CERS2: variants seen among roughly 807,000 people sequenced by gnomAD.
CERS2 encodes the protein LAG1 homolog, ceramide synthase 2.
In CERS2, 20 loss-of-function variants were observed where a neutral mutation model predicts 56.6. The observed-to-expected ratio is 0.35, with a 90% CI of 0.25 to 0.51. The LOEUF is 0.51. Ranked by LOEUF, CERS2 falls within the 20% of genes least tolerant of loss-of-function variation. The pLI, the probability that CERS2 is intolerant of heterozygous loss-of-function variation, is 0.96. For missense variants in CERS2, 361 were observed against 488.6 expected (o/e 0.74, Z 2.46); for synonymous variants, 187 against 175.4 (o/e 1.07, Z -0.52).
chr1:150,966,392 G>A (rs1671016683), intron 10 of CERS2, 84 bp downstream of exon 10: 2 of 1,599,596 alleles, frequency 1.3e-6, no homozygotes, highest in Non-Finnish European at 1.7e-6. Context: ...CTCCACACTA[G>A]TTTTTTAGAG....
Position 150,965,861 on chromosome 1 carries a change from G to C in CERS2, c.*287C>G, listed in dbSNP as rs982914889. On this transcript the variant is annotated 3_prime_UTR_variant, in exon 11 of 11. Transcript: ENST00000368954. ...GTGAATTGTAACCCCTACCCACAGA[G>C]AGCTGAGGGAGGGCCTCAAAAGCAG... 8.8e-6 allele frequency: 3 copies of C among 341,874 alleles called. No individual in the cohort carries two copies. Among genetic ancestry groups the C allele is most frequent in the African/African-American group, 2.2e-5 (1 of 46,278 alleles). The allele number at this position is 341,874 out of a possible 1,614,324, so 21.2% of individuals were successfully genotyped here.
chr1:150,968,961 G>A lies in CERS2; in HGVS notation c.130C>T (p.Pro44Ser), dbSNP rs1203437686. ...AKASDLYITLPLALLFLIVRY... is the reference protein window; with the variant it reads ...AKASDLYITLSLALLFLIVRY... The stretch of plus-strand genomic sequence containing the variant: ...ACGATGAGGAAGAGCAAGGCCAGGG[G>A]CAGCGTGATATAGAGATCTGAGGCT... Residue 44 changes from proline to serine, a missense_variant, in exon 2 of 11, where the codon CCC becomes TCC. By Grantham distance (74) the Pro-to-Ser change is moderately conservative (BLOSUM62 -1). Around this residue, in one of 3 missense-constraint regions of CERS2, gnomAD observed 236 missense variants for 309.2 expected, o/e 0.76. Transcript: ENST00000368954. 6.2e-7 allele frequency: 1 copy of A among 1,613,850 alleles called. No individual in the cohort carries two copies. The highest frequency in any genetic ancestry group is 1.3e-5 in the African/African-American group (1 of 74,920).
intron 2 of CERS2, 146 bp from the exon 3 acceptor site, chr1:150,968,658 GCTGC>G (rs1671093735): frequency 5.4e-6 from 4 of 745,128 alleles, no homozygotes; most frequent in African/African-American, 1.7e-5. Flanking sequence ...AGCTGACAAA[GCTGC>G]CTGTGTGTTC....
At chr1:150,968,058 C>G (rs765687533) in intron 4 of CERS2, 25 bp downstream of exon 4, 2 of 1,597,794 alleles carry the variant, frequency 1.3e-6, no homozygotes, top group Non-Finnish European at 1.7e-6. Flanking sequence ...CCTTGTCACC[C>G]AGCTTCTGCC....
chr1:150,968,793 G>T, intron 2 of CERS2, 125 bp downstream of exon 2: 1 of 940,886 alleles, frequency 1.1e-6, no homozygotes, highest in Non-Finnish European at 1.6e-6. Flanking sequence ...GTGCACAGTG[G>T]GCAGGAACCT....
rs1671001647 is a variant in CERS2, at chr1:150,966,082, T to C, written c.*66A>G. ...TTCCCCAGAGCTTAAAGTGACCCTA[T>C]AGCGCAGGGAGCGGGGTAGTTCCTT... On this transcript the variant is annotated 3_prime_UTR_variant, in exon 11 of 11. Coordinates refer to ENST00000368954, the MANE Select transcript of CERS2 (RefSeq NM_022075.5). 6 of 1,468,946 alleles carry C rather than the reference T, an allele frequency of 4.1e-6. No individual in the cohort carries two copies. Among genetic ancestry groups the C allele is most frequent in the Non-Finnish European group, 5.6e-6 (6 of 1,079,256 alleles). 91.0% of individuals were successfully genotyped at this position (1,468,946 alleles called of 1,614,324 possible).
At chr1:150,966,895 C>T in intron 8 of CERS2, 33 bp from the exon 9 acceptor site, 1 of 1,522,564 alleles carries the variant, frequency 6.6e-7, no homozygotes, top group South Asian at 1.1e-5. Context: ...TCATCATGGG[C>T]TCCTGACTCC....
intron 1 of CERS2, among the ~76,000 whole-genome samples, chr1:150,970,246 A>T (rs1253211275): frequency 6.6e-6 from 1 of 151,064 alleles, no homozygotes; most frequent in African/African-American, 2.4e-5. Flanking sequence ...AAAAAAAAAA[A>T]AAAAAGCCAA....
chr1:150,968,694 G>A (rs144408385), intron 2 of CERS2, among the ~76,000 whole-genome samples, 182 bp from the exon 3 acceptor site: 2 of 152,224 alleles, frequency 1.3e-5, no homozygotes, highest in East Asian at 1.9e-4. Context: ...GGCGGGCGGC[G>A]GGTAGAGGGT....
intron 1 of CERS2, chr1:150,969,295 G>A: frequency 3.5e-6 from 2 of 564,082 alleles, no homozygotes; most frequent in South Asian, 4.2e-5. Context: ...TTACTGTTAG[G>A]CCGGCCGTGA....
At position 150,965,939 on chromosome 1, in the gene CERS2, C is replaced by T. The variant is rs587603317; in HGVS notation, c.*209G>A. 5.8e-6 allele frequency: 3 copies of T among 516,478 alleles called. No homozygotes were observed. The highest frequency in any genetic ancestry group is 6.2e-5 in the South Asian group (2 of 32,298). The allele number at this position is 516,478 out of a possible 1,614,324, so 32.0% of individuals were successfully genotyped here. ...GGAAAATACGACCGTCCCCCTCTAACAGAATATAACCAACGTCCCCCTACC... is the reference window on the plus strand; with the variant it reads ...GGAAAATACGACCGTCCCCCTCTAATAGAATATAACCAACGTCCCCCTACC... On this transcript the variant is annotated 3_prime_UTR_variant, in exon 11 of 11. Transcript: ENST00000368954.
Position 150,966,081 on chromosome 1 carries a change from A to G in CERS2, c.*67T>C, listed in dbSNP as rs886809193. On this transcript the variant is annotated 3_prime_UTR_variant, in exon 11 of 11. Transcript: ENST00000368954. ...TTTCCCCAGAGCTTAAAGTGACCCT[A>G]TAGCGCAGGGAGCGGGGTAGTTCCT... is the stretch of plus-strand genomic sequence containing the variant. 6.8e-7 allele frequency: 1 copy of G among 1,464,366 alleles called. No homozygotes were observed. Among genetic ancestry groups the G allele is most frequent in the Non-Finnish European group, 9.3e-7 (1 of 1,075,626 alleles). 90.7% of individuals were successfully genotyped at this position (1,464,366 alleles called of 1,614,324 possible). A position where few individuals can be genotyped will look rare whatever the true frequency, so the allele number is the denominator to read the frequency against.
At chr1:150,969,897 T>TACAACCC (rs1424411820) in intron 1 of CERS2, among the ~76,000 whole-genome samples, 1 of 152,052 alleles carries the variant, frequency 6.6e-6, no homozygotes, top group African/African-American at 2.4e-5. Flanking sequence ...CCCTACAACC[T>TACAACCC]ACAACCCATC....
Position 150,969,025 on chromosome 1 carries a change from C to A in CERS2, c.66G>T (p.Trp22Cys). ...GTCCATCTCGGTCTTCTAGATCGGC[C>A]CAGGTCAAGTTCACAGGCAGCCACA... ...ERLWLPVNLT[W>C]ADLEDRDGRV... is the part of the protein sequence containing the mutation. Residue 22 changes from tryptophan (W) to cysteine (C), a missense_variant, in exon 2 of 11, where the codon TGG becomes TGT. By Grantham distance (215) the Trp-to-Cys change is radical. Coordinates refer to ENST00000368954, the MANE Select transcript of CERS2 (RefSeq NM_022075.5). The A allele has an allele frequency of 1.2e-6, 2 of 1,613,982 alleles. No homozygotes were observed. The highest frequency in any genetic ancestry group is 1.7e-6 in the Non-Finnish European group (2 of 1,180,012).
intron 5 of CERS2, 39 bp downstream of exon 5, chr1:150,967,781 C>T: frequency 6.2e-7 from 1 of 1,609,414 alleles, no homozygotes. Flanking sequence ...CTGACCTTGC[C>T]AGAGAACCTA....
At chr1:150,966,978 T>G (rs902739622) in intron 8 of CERS2, 96 bp downstream of exon 8, 2 of 1,512,508 alleles carry the variant, frequency 1.3e-6, no homozygotes, top group Non-Finnish European at 9.2e-7. Context: ...CCCAGGAATG[T>G]CATCCTCCAA....
chr1:150,970,330 T>G (rs1454568067), intron 1 of CERS2, among the ~76,000 whole-genome samples: 1 of 150,536 alleles, frequency 6.6e-6, no homozygotes, highest in Non-Finnish European at 1.5e-5. Flanking sequence ...GCACACAAGG[T>G]TGACACTCCA....
intron 1 of CERS2, among the ~76,000 whole-genome samples, chr1:150,972,348 C>T (rs1414486491): frequency 1.3e-5 from 2 of 152,196 alleles, no homozygotes; most frequent in African/African-American, 2.4e-5. Flanking sequence ...AGGGTCAGGA[C>T]CTCTGACTCA....
chr1:150,967,543 C>T, intron 6 of CERS2, 59 bp from the exon 7 acceptor site: 2 of 1,390,708 alleles, frequency 1.4e-6, no homozygotes, highest in Non-Finnish European at 2.0e-6. Flanking sequence ...ACTCCACAAA[C>T]CCCCTAGCCC....
Sources: allele counts gnomAD v4.1 joint callset (sites outside exome capture counted in the v4.1 genomes callset), GRCh38; gene constraint gnomAD v4.1.1; regional missense constraint gnomAD v4.1.1; transcripts MANE v1.5; gene names NCBI Gene and HGNC (gene_info 2026-07-23, HGNC 2026-07-21).